ADGRB3: variants seen among roughly 807,000 people sequenced by gnomAD.
The protein encoded by ADGRB3 is adhesion G protein-coupled receptor B3.
ADGRB3 carries 37 observed loss-of-function variants against 193.4 expected under a neutral mutation model. The observed-to-expected ratio is 0.19, with a 90% CI of 0.15 to 0.25. ADGRB3 has a LOEUF of 0.25. Among genes scored for constraint, ADGRB3 ranks in the 10% least tolerant of loss-of-function variants. ADGRB3 has a pLI of 1.00. For missense variants in ADGRB3, 1,637 were observed against 1,852.9 expected (o/e 0.88, Z 2.14); for synonymous variants, 690 against 644.2 (o/e 1.07, Z -1.08).
chr6:68,657,446 C>T lies in ADGRB3; in HGVS notation c.757+18014C>T, dbSNP rs147054360. On this transcript the variant is annotated intron_variant, in intron 3 of 31. Transcript: ENST00000370598. ...TTTTAAACAGACGAAAATATGGAAA[C>T]GTGTTAACAGAGCTTCAAAATTTTA... Among the ~76,000 whole-genome samples the T allele has an allele frequency of 4.4e-3, 670 of 151,338 alleles. 4 individuals carry two copies. Among genetic ancestry groups the T allele is most frequent in the African/African-American group, 0.015 (609 of 41,400 alleles).
intron 3 of ADGRB3, among the ~76,000 whole-genome samples, chr6:68,690,624 T>A (rs948538343): frequency 1.3e-5 from 2 of 152,110 alleles, no homozygotes; most frequent in African/African-American, 4.8e-5. Context: ...TTAGAAAACT[T>A]TGGGTTTAAT....
At chr6:68,900,639 G>A (rs1473627783) in intron 3 of ADGRB3, among the ~76,000 whole-genome samples, 1 of 152,104 alleles carries the variant, frequency 6.6e-6, no homozygotes, top group Non-Finnish European at 1.5e-5. Context: ...AAGTACCATG[G>A]TGACAAGGAT....
intron 8 of ADGRB3, among the ~76,000 whole-genome samples, chr6:68,959,879 A>G (rs1174780086): frequency 3.9e-5 from 6 of 152,194 alleles, no homozygotes; most frequent in African/African-American, 1.4e-4. Context: ...CATTTATCTC[A>G]ATCTCATTGT....
At chr6:69,193,200 G>A (rs1346756807) in intron 17 of ADGRB3, among the ~76,000 whole-genome samples, 1 of 151,958 alleles carries the variant, frequency 6.6e-6, no homozygotes, top group East Asian at 1.9e-4. Flanking sequence ...CCCTCTCCAA[G>A]TGTAGTCATG....
intron 3 of ADGRB3, among the ~76,000 whole-genome samples, chr6:68,812,031 A>G (rs1407132037): frequency 6.6e-6 from 1 of 152,238 alleles, no homozygotes; most frequent in East Asian, 1.9e-4. Context: ...TTATTTAACC[A>G]GAACTTTTAT....
rs529020071 is a variant in ADGRB3, at chr6:68,847,323, T to G, written c.758-83236T>G. ...ATTAGTTAAGACTTTGGGGGAATGTTGGGAAGGCATGATTGGTTTTAAAAT... is the reference window on the plus strand; with the variant it reads ...ATTAGTTAAGACTTTGGGGGAATGTGGGGAAGGCATGATTGGTTTTAAAAT... On this transcript the variant is annotated intron_variant, in intron 3 of 31. Coordinates refer to ENST00000370598, the MANE Select transcript of ADGRB3 (RefSeq NM_001704.3). 5.3e-5 allele frequency among the ~76,000 whole-genome samples: 8 copies of G among 152,252 alleles called. No individual in the cohort carries two copies. In the East Asian group the frequency reaches 1.5e-3, roughly 29 times the overall value.
intron 17 of ADGRB3, among the ~76,000 whole-genome samples, chr6:69,189,863 T>C (rs1765150485): frequency 6.6e-6 from 1 of 152,166 alleles, no homozygotes. Flanking sequence ...AGCATAACGT[T>C]GTGGTCAATG....
chr6:69,068,156 G>A (rs888436670), intron 16 of ADGRB3, among the ~76,000 whole-genome samples: 1 of 152,156 alleles, frequency 6.6e-6, no homozygotes, highest in Admixed American at 6.6e-5. Flanking sequence ...GTGATACGCA[G>A]AATAGTGACT....
intron 17 of ADGRB3, among the ~76,000 whole-genome samples, chr6:69,230,824 G>A (rs1766118766): frequency 6.6e-6 from 1 of 152,148 alleles, no homozygotes; most frequent in South Asian, 2.1e-4. Context: ...TGTAGCAGAT[G>A]CAGTATTGTG....
At chr6:68,939,497 T>C (rs1190438969) in intron 5 of ADGRB3, among the ~76,000 whole-genome samples, 1 of 152,200 alleles carries the variant, frequency 6.6e-6, no homozygotes, top group Non-Finnish European at 1.5e-5. Flanking sequence ...TTAATCATTG[T>C]TTTAGTTCAG....
chr6:69,065,388 G>A (rs558348327), intron 16 of ADGRB3, among the ~76,000 whole-genome samples: 2 of 152,176 alleles, frequency 1.3e-5, no homozygotes, highest in South Asian at 4.2e-4. Flanking sequence ...GGCTGCTCTG[G>A]ACTCTTTTAT....
At chr6:68,740,458 G>C (rs921526623) in intron 3 of ADGRB3, among the ~76,000 whole-genome samples, 4 of 152,126 alleles carry the variant, frequency 2.6e-5, no homozygotes, top group Non-Finnish European at 2.9e-5. Context: ...ATATTCTTAT[G>C]GGTAATTAGA....
At chr6:68,637,808 T>TG (rs1767991552) in intron 2 of ADGRB3, among the ~76,000 whole-genome samples, 2 of 152,068 alleles carry the variant, frequency 1.3e-5, no homozygotes, top group Admixed American at 1.3e-4. Context: ...CTGGATTTTT[T>TG]TTTTTTTTAA....
At chr6:68,881,253 T>TAA (rs1452227886) in intron 3 of ADGRB3, among the ~76,000 whole-genome samples, 1 of 152,152 alleles carries the variant, frequency 6.6e-6, no homozygotes, top group African/African-American at 2.4e-5. Flanking sequence ...ATGTGACTGA[T>TAA]AAAATACAAA....
intron 17 of ADGRB3, among the ~76,000 whole-genome samples, chr6:69,192,421 T>C (rs1765210033): frequency 6.6e-6 from 1 of 152,070 alleles, no homozygotes; most frequent in South Asian, 2.1e-4. Flanking sequence ...TCCAGCCAGA[T>C]TGAGGGTGGG....
chr6:68,840,190 T>C (rs486413), intron 3 of ADGRB3, among the ~76,000 whole-genome samples: 32,588 of 151,806 alleles, frequency 0.21, 4,054 homozygotes, highest in East Asian at 0.58. Context: ...AGCAAGTGTA[T>C]TTGGGGGACA....
chr6:68,713,375 G>T (rs1317633435), intron 3 of ADGRB3, among the ~76,000 whole-genome samples: 2 of 151,690 alleles, frequency 1.3e-5, no homozygotes, highest in African/African-American at 4.8e-5. Context: ...ATTTCCTGGA[G>T]TTGATGCTTC....
chr6:69,199,426 G>A (rs369467060), intron 17 of ADGRB3, among the ~76,000 whole-genome samples: 77 of 152,192 alleles, frequency 5.1e-4, no homozygotes, highest in South Asian at 4.6e-3. Flanking sequence ...ATACCATTAT[G>A]AAAATTAAAT....
intron 3 of ADGRB3, among the ~76,000 whole-genome samples, chr6:68,879,152 G>GT (rs1765668105): frequency 6.6e-6 from 1 of 151,318 alleles, no homozygotes; most frequent in Non-Finnish European, 1.5e-5. Context: ...CTGGAAATAG[G>GT]TGCTCCAATA....
Sources: allele counts gnomAD v4.1 joint callset (sites outside exome capture counted in the v4.1 genomes callset), GRCh38; gene constraint gnomAD v4.1.1; transcripts MANE v1.5; gene names NCBI Gene and HGNC (gene_info 2026-07-23, HGNC 2026-07-21).